The following ARMC6 variants were observed in gnomAD, a reference collection of about 807,000 sequenced individuals.
ARMC6 encodes armadillo repeat-containing protein 6.
A neutral mutation model predicts 49.2 loss-of-function variants in ARMC6; 43 were observed. The ratio of observed to expected loss-of-function variants is 0.87; its 90% confidence interval spans 0.69 to 1.13. The LOEUF (loss-of-function observed/expected upper bound fraction) is 1.13. Ranked by LOEUF, ARMC6 falls within the 50% of genes most tolerant of loss-of-function variation. The pLI is 0.00. For missense variants in ARMC6, 627 were observed against 682.0 expected (o/e 0.92, Z 0.90); for synonymous variants, 262 against 289.6 (o/e 0.90, Z 0.97).
chr19:19,044,290 A>T (rs1004641203), intron 4 of ARMC6, among the ~76,000 whole-genome samples: 1 of 152,258 alleles, frequency 6.6e-6, no homozygotes, highest in Non-Finnish European at 1.5e-5. Context: ...GGTGGCATGT[A>T]TGCTGAAATC....
Position 19,033,607 on chromosome 19 carries a change from C to A in ARMC6, c.-403C>A. 1 of 1,180,136 alleles carries A rather than the reference C, an allele frequency of 8.5e-7. No homozygotes were observed. Among genetic ancestry groups the A allele is most frequent in the South Asian group, 4.1e-5 (1 of 24,174 alleles). 73.1% of individuals were successfully genotyped at this position (1,180,136 alleles called of 1,614,324 possible). On this transcript the variant is annotated 5_prime_UTR_variant, in exon 1 of 9. Transcript: ENST00000535612. Reference sequence around the variant, plus strand: ...GGTGCGCAGGCGCGGGCCGCCGCGGCCCGGCTCTCTTGCGCAAGCGCGCTG... The same window carrying A: ...GGTGCGCAGGCGCGGGCCGCCGCGGACCGGCTCTCTTGCGCAAGCGCGCTG...
At chr19:19,036,249 A>G (rs1241518053) in intron 2 of ARMC6, among the ~76,000 whole-genome samples, 1 of 151,984 alleles carries the variant, frequency 6.6e-6, no homozygotes, top group Non-Finnish European at 1.5e-5. Flanking sequence ...TTTAGTAGAG[A>G]CGGGGTTTCG....
chr19:19,047,822 A>T (rs1477443283), intron 4 of ARMC6, among the ~76,000 whole-genome samples: 2 of 152,222 alleles, frequency 1.3e-5, no homozygotes, highest in African/African-American at 4.8e-5. Flanking sequence ...TTAGGGAGAC[A>T]TGAGATATCA....
intron 4 of ARMC6, 55 bp from the exon 5 acceptor site, chr19:19,051,567 G>A: frequency 2.0e-6 from 3 of 1,475,400 alleles, no homozygotes; most frequent in Non-Finnish European, 2.8e-6. Flanking sequence ...CTGTTGCTGT[G>A]GCCATGGGTT....
Position 19,057,542 on chromosome 19 carries a change from G to A in ARMC6, c.1420G>A (p.Val474Met), listed in dbSNP as rs150324307. The A allele has an allele frequency of 5.5e-4, 882 of 1,613,898 alleles. No homozygotes were observed. The highest frequency in any genetic ancestry group is 8.9e-4 in the East Asian group (40 of 44,868). ...ATCTGCCCACCGTGACTGTGAGGAC[G>A]TGGCCAAGGCCGCCCTGCGGGACCT... ...ARSAHRDCED[V>M]AKAALRDLGC... The change falls in exon 9 of 9, where the codon GTG (valine) becomes ATG (methionine). Residue 474 changes from valine to methionine, a missense_variant. Physicochemically the swap from Val to Met is conservative, Grantham distance 21 (BLOSUM62 1). Transcript: ENST00000535612.
chr19:19,040,578 C>G (rs1201992479), intron 2 of ARMC6: 1 of 241,972 alleles, frequency 4.1e-6, no homozygotes, highest in African/African-American at 2.4e-5. Flanking sequence ...CACTCCCTGC[C>G]AAGAGCTGGA....
chr19:19,051,281 A>G (rs2063848704), intron 4 of ARMC6, among the ~76,000 whole-genome samples: 1 of 151,834 alleles, frequency 6.6e-6, no homozygotes, highest in African/African-American at 2.4e-5. Context: ...GGGCCTCTTG[A>G]TGGCAGGTAG....
chr19:19,049,695 T>C (rs185434106), intron 4 of ARMC6, among the ~76,000 whole-genome samples: 1 of 152,320 alleles, frequency 6.6e-6, no homozygotes, highest in East Asian at 1.9e-4. Flanking sequence ...TACCTTCTGT[T>C]GCTGCAAATT....
At chr19:19,056,386 C>A (rs10403222) in intron 8 of ARMC6, among the ~76,000 whole-genome samples, 4 of 151,586 alleles carry the variant, frequency 2.6e-5, no homozygotes, top group Admixed American at 6.6e-5. Context: ...CTCAGTCTCC[C>A]GAGTAGCTGG....
At chr19:19,056,096 A>G (rs2059542616) in intron 8 of ARMC6, 168 bp downstream of exon 8, 2 of 657,416 alleles carry the variant, frequency 3.0e-6, no homozygotes, top group South Asian at 4.9e-5. Context: ...CATAGGGCCA[A>G]CTTCTTTCTC....
intron 4 of ARMC6, among the ~76,000 whole-genome samples, chr19:19,050,051 G>A (rs560892352): frequency 1.3e-5 from 2 of 152,232 alleles, no homozygotes; most frequent in East Asian, 3.9e-4. Context: ...TAAATAAATG[G>A]AATCACAGTA....
chr19:19,052,312 C>T, intron 5 of ARMC6, 117 bp downstream of exon 5: 1 of 990,248 alleles, frequency 1.0e-6, no homozygotes, highest in Non-Finnish European at 1.4e-6. Context: ...CTCCACTCGC[C>T]CCTCGGCTTA....
In ARMC6 at chr19:19,034,247, G is replaced by A. The variant is rs746616117; in HGVS notation, c.29+9G>A. 1.9e-6 allele frequency: 3 copies of A among 1,593,822 alleles called. No homozygotes were observed. The African/African-American group carries it at 4.0e-5, about 21-fold the overall frequency. On this transcript the variant is annotated intron_variant, in intron 2 of 8. Coordinates refer to ENST00000535612, the MANE Select transcript of ARMC6 (RefSeq NM_001199196.2). ...TGTTGCTCTAGATACAGGTAATGGT[G>A]TGCAAATAATAACAGAGTGATGGGA...
Position 19,034,138 on chromosome 19 carries a change from G to A in ARMC6, c.-72G>A. The A allele has an allele frequency of 1.0e-6, 1 of 991,012 alleles. No homozygotes were observed. Among genetic ancestry groups the A allele is most frequent in the Non-Finnish European group, 1.6e-6 (1 of 637,366 alleles). 61.4% of individuals were successfully genotyped at this position (991,012 alleles called of 1,614,324 possible). On this transcript the variant is annotated 5_prime_UTR_variant, in exon 2 of 9. Transcript: ENST00000535612. ...TTTTATTTATTCATTCAGCACCTGT[G>A]CACTGAGTGCCTGCTGCGTGTCGGG...
At chr19:19,043,047 C>G (rs2059422808) in intron 3 of ARMC6, among the ~76,000 whole-genome samples, 170 bp downstream of exon 3, 1 of 152,202 alleles carries the variant, frequency 6.6e-6, no homozygotes, top group African/African-American at 2.4e-5. Flanking sequence ...TTATCCTGCT[C>G]CCACCTCTCA....
rs199662797 is a variant in ARMC6, at chr19:19,042,758, T to C, written c.77T>C (p.Met26Thr). The change falls in exon 3 of 9, where the codon ATG becomes ACG. Residue 26 changes from methionine to threonine, a missense_variant. By Grantham distance (81) the Met-to-Thr change is moderately conservative (BLOSUM62 -1). Transcript: ENST00000535612. Reference sequence around the variant, plus strand: ...ACGCCAACATCAACACAGGCGAAGATGGTCTCCAAGCGCATTGCCCAGGAG... The same window carrying C: ...ACGCCAACATCAACACAGGCGAAGACGGTCTCCAAGCGCATTGCCCAGGAG... The part of the protein sequence containing the change: ...GCTPTSTQAK[M>T]VSKRIAQETF... The C allele has an allele frequency of 2.9e-5, 46 of 1,613,886 alleles. No individual in the cohort carries two copies. The Admixed American group carries it at 7.7e-4, about 27-fold the overall frequency.
chr19:19,056,072 C>A, intron 8 of ARMC6, 144 bp downstream of exon 8: 1 of 988,554 alleles, frequency 1.0e-6, no homozygotes, highest in Non-Finnish European at 1.4e-6. Context: ...CCTGTCCCTC[C>A]CACAGCCGAG....
rs983364360 is a variant in ARMC6 at position 19,034,131 on chromosome 19, C to A, written c.-79C>A. On this transcript the variant is annotated splice_region_variant and 5_prime_UTR_variant, in exon 2 of 9. Coordinates refer to ENST00000535612, the MANE Select transcript of ARMC6 (RefSeq NM_001199196.2). ...TCATTCATTTTATTTATTCATTCAGCACCTGTGCACTGAGTGCCTGCTGCG... is the reference window on the plus strand; with the variant it reads ...TCATTCATTTTATTTATTCATTCAGAACCTGTGCACTGAGTGCCTGCTGCG... 1 of 905,522 alleles carries A rather than the reference C, an allele frequency of 1.1e-6. No homozygotes were observed. The highest frequency in any genetic ancestry group is 1.8e-6 in the Non-Finnish European group (1 of 567,688). 56.1% of individuals were successfully genotyped at this position (905,522 alleles called of 1,614,324 possible).
rs1410316410 is a variant in ARMC6, at chr19:19,054,185, T to A, written c.887T>A (p.Leu296His). 1 of 1,602,988 alleles carries A rather than the reference T, an allele frequency of 6.2e-7. No homozygotes were observed. Among genetic ancestry groups the A allele is most frequent in the Non-Finnish European group, 8.5e-7 (1 of 1,174,956 alleles). Reference sequence around the variant, plus strand: ...GATAACCCTGGCATCCTGAGCGAGCTCTGTGGAACCCTGTCCCGCCTGGCC... The same window carrying A: ...GATAACCCTGGCATCCTGAGCGAGCACTGTGGAACCCTGTCCCGCCTGGCC... Reference protein sequence around the residue: ...FLDNPGILSELCGTLSRLAIR... With the variant: ...FLDNPGILSEHCGTLSRLAIR... Residue 296 changes from leucine (L) to histidine (H), a missense_variant, in exon 6 of 9, where the codon CTC becomes CAC. Coordinates refer to ENST00000535612, the MANE Select transcript of ARMC6 (RefSeq NM_001199196.2).
Sources: allele counts gnomAD v4.1 joint callset (sites outside exome capture counted in the v4.1 genomes callset), GRCh38; gene constraint gnomAD v4.1.1; transcripts MANE v1.5; gene names NCBI Gene and HGNC (gene_info 2026-07-23, HGNC 2026-07-21).